The following USP13 variants were observed in gnomAD, a reference collection of about 807,000 sequenced individuals.
The protein encoded by USP13 is ubiquitin carboxyl-terminal hydrolase 13.
Under a neutral mutation model 107.8 loss-of-function variants are expected in USP13, and 68 were observed. The observed-to-expected ratio is 0.63, with a 90% CI of 0.52 to 0.77. USP13 has a LOEUF of 0.77. USP13 is among the 30% of genes least tolerant of loss of function. The pLI is 0.00. For synonymous variants in USP13, 377 were observed against 389.5 expected (o/e 0.97, Z 0.38); for missense variants, 945 against 1,093.3 (o/e 0.86, Z 1.91).
chr3:179,703,010 T>G (rs999492203), intron 4 of USP13, among the ~76,000 whole-genome samples: 8 of 152,208 alleles, frequency 5.3e-5, no homozygotes, highest in African/African-American at 1.9e-4. Flanking sequence ...AGCCTTTTCT[T>G]ATTGTTGTAC....
At chr3:179,753,836 C>G (rs1441539502) in intron 14 of USP13, among the ~76,000 whole-genome samples, 1 of 152,118 alleles carries the variant, frequency 6.6e-6, no homozygotes, top group Non-Finnish European at 1.5e-5. Context: ...TTATTATCAT[C>G]TGAATATGTG....
At chr3:179,749,378 A>T (rs926062061) in intron 13 of USP13, among the ~76,000 whole-genome samples, 13 of 152,218 alleles carry the variant, frequency 8.5e-5, no homozygotes, top group Admixed American at 8.5e-4. Flanking sequence ...TCTTTGAATG[A>T]TTTACATTCT....
chr3:179,667,937 C>T (rs1331274811), intron 1 of USP13, among the ~76,000 whole-genome samples: 2 of 152,132 alleles, frequency 1.3e-5, no homozygotes, highest in African/African-American at 4.8e-5. Flanking sequence ...TGTGAGCCAC[C>T]GTGCCCGGCT....
At chr3:179,666,472 C>T (rs1270473716) in intron 1 of USP13, among the ~76,000 whole-genome samples, 1 of 152,124 alleles carries the variant, frequency 6.6e-6, no homozygotes, top group Non-Finnish European at 1.5e-5. Context: ...GCTGTGAGAG[C>T]CTCTAAGTCT....
chr3:179,780,420 AT>A (rs1442647752), intron 19 of USP13, among the ~76,000 whole-genome samples: 1 of 152,212 alleles, frequency 6.6e-6, no homozygotes, highest in Non-Finnish European at 1.5e-5. Context: ...ATTAAATTAT[AT>A]TTCTATACAC....
chr3:179,681,563 G>A (rs1711653416), intron 1 of USP13, among the ~76,000 whole-genome samples: 1 of 152,068 alleles, frequency 6.6e-6, no homozygotes, highest in African/African-American at 2.4e-5. Context: ...GGAGCTGGCG[G>A]TGCAGCTTGC....
intron 16 of USP13, among the ~76,000 whole-genome samples, chr3:179,760,477 G>A (rs993373236): frequency 6.6e-6 from 1 of 151,848 alleles, no homozygotes; most frequent in African/African-American, 2.4e-5. Flanking sequence ...TAGAGACGGG[G>A]TTTCACCGTG....
At position 179,670,502 on chromosome 3, in the gene USP13, G is replaced by A. The variant is rs774276257; in HGVS notation, c.169-11376G>A. On this transcript the variant is annotated intron_variant, in intron 1 of 20. Coordinates refer to ENST00000263966, the MANE Select transcript of USP13 (RefSeq NM_003940.3). ...TAAACATGAGTGGGAGCCAACTAGAGTACAGTGTTCCCGATTAGTTTCATT... is the reference window on the plus strand; with the variant it reads ...TAAACATGAGTGGGAGCCAACTAGAATACAGTGTTCCCGATTAGTTTCATT... Among the ~76,000 whole-genome samples, 15 of 152,114 alleles carry A rather than the reference G, an allele frequency of 9.9e-5. No homozygotes were observed. In the Middle Eastern group the frequency reaches 0.014, roughly 138 times the overall value.
In USP13 at chr3:179,653,166, C is replaced by G. The variant is rs1720134525; in HGVS notation, c.-60C>G. On this transcript the variant is annotated 5_prime_UTR_variant, in exon 1 of 21. Coordinates refer to ENST00000263966, the MANE Select transcript of USP13 (RefSeq NM_003940.3). The surrounding 1 kb of genome is among the most constrained non-coding windows in gnomAD (Gnocchi z 4.0). ...GCCCGCTCGCTGGCGCCGCCGCCGC[C>G]GGCAGACCCCGCGCTCCGGCTCCGG... The G allele has an allele frequency of 8.9e-7, 1 of 1,122,868 alleles. No homozygotes were observed. Among genetic ancestry groups the G allele is most frequent in the Middle Eastern group, 3.8e-4 (1 of 2,632 alleles). The allele number at this position is 1,122,868 out of a possible 1,614,324, so 69.6% of individuals were successfully genotyped here. A position where few individuals can be genotyped will look rare whatever the true frequency, so the allele number is the denominator to read the frequency against.
chr3:179,660,299 C>T (rs977330515), intron 1 of USP13, among the ~76,000 whole-genome samples: 1 of 152,170 alleles, frequency 6.6e-6, no homozygotes, highest in South Asian at 2.1e-4. Context: ...CTTCTCCTAG[C>T]CCCTTGTAAT....
intron 1 of USP13, among the ~76,000 whole-genome samples, chr3:179,675,707 C>T (rs1237290299): frequency 6.6e-6 from 1 of 151,994 alleles, no homozygotes; most frequent in South Asian, 2.1e-4. Flanking sequence ...TCCGCCACGC[C>T]TGGCTAATTT....
In USP13 at chr3:179,745,055, C is replaced by T. The variant is rs1174700205; in HGVS notation, c.1547C>T (p.Ala516Val). 1.2e-6 allele frequency: 2 copies of T among 1,614,020 alleles called. No homozygotes were observed. The highest frequency in any genetic ancestry group is 2.7e-5 in the African/African-American group (2 of 74,892). The change falls in exon 13 of 21, where the codon GCT (alanine) becomes GTT (valine). Residue 516 changes from alanine to valine, a missense_variant. Physicochemically the swap from Ala to Val is moderately conservative, Grantham distance 64. Transcript: ENST00000263966. Reference sequence around the variant, plus strand: ...CTCTTTCACCCAGATGAACTGATCGCTTATGAACTAACGAGAAGGGAAGCA... The same window carrying T: ...CTCTTTCACCCAGATGAACTGATCGTTTATGAACTAACGAGAAGGGAAGCA... ...EAATNKDELI[A>V]YELTRREAEA... is the part of the protein sequence containing the mutation.
intron 19 of USP13, among the ~76,000 whole-genome samples, chr3:179,769,250 C>T (rs142247185): frequency 6.6e-6 from 1 of 152,212 alleles, no homozygotes; most frequent in African/African-American, 2.4e-5. Context: ...TATTGTTGAA[C>T]ATATATTAAC....
chr3:179,668,058 G>A (rs1047776566), intron 1 of USP13, among the ~76,000 whole-genome samples: 2 of 152,212 alleles, frequency 1.3e-5, no homozygotes, highest in African/African-American at 4.8e-5. Flanking sequence ...AGCTGTGCAG[G>A]ACCAGGCTGT....
At chr3:179,726,344 G>A (rs1313972629) in intron 8 of USP13, among the ~76,000 whole-genome samples, 3 of 152,360 alleles carry the variant, frequency 2.0e-5, no homozygotes, top group South Asian at 2.1e-4. Context: ...GAAGTGGGCA[G>A]AGTGGGCACA....
chr3:179,717,180 C>T (rs147183948), intron 6 of USP13, among the ~76,000 whole-genome samples: 7 of 152,284 alleles, frequency 4.6e-5, no homozygotes, highest in Non-Finnish European at 1.0e-4. Flanking sequence ...CCTGACTTTG[C>T]TAAGCTGAGG....
In USP13 at chr3:179,788,477, C is replaced by T. The variant is rs761050204; in HGVS notation, c.*4336C>T. The stretch of plus-strand genomic sequence containing the variant: ...TACTCAAAGTTTGGCTTGTTCAAAT[C>T]GAGACTGTGTTGTACACATACAATA... On this transcript the variant is annotated 3_prime_UTR_variant, in exon 21 of 21. Coordinates refer to ENST00000263966, the MANE Select transcript of USP13 (RefSeq NM_003940.3). The T allele has an allele frequency of 1.3e-5, 2 of 152,110 alleles. No homozygotes were observed. Among genetic ancestry groups the T allele is most frequent in the Non-Finnish European group, 1.5e-5 (1 of 68,038 alleles). 9.4% of individuals were successfully genotyped at this position (152,110 alleles called of 1,614,324 possible). A position where few individuals can be genotyped will look rare whatever the true frequency, so the allele number is the denominator to read the frequency against.
chr3:179,725,071 G>T (rs1321412199), intron 8 of USP13, among the ~76,000 whole-genome samples: 1 of 152,132 alleles, frequency 6.6e-6, no homozygotes, highest in Non-Finnish European at 1.5e-5. Flanking sequence ...AATTAGCCAG[G>T]CGTGGTGGTG....
At chr3:179,782,853 C>T (rs1037898630) in intron 20 of USP13, among the ~76,000 whole-genome samples, 14 of 152,182 alleles carry the variant, frequency 9.2e-5, no homozygotes, top group African/African-American at 3.4e-4. Flanking sequence ...TCAAGCAATT[C>T]TCCTGCCTCA....
Sources: gnomAD v4.1 joint callset for allele counts (sites outside exome capture counted in the v4.1 genomes callset) on GRCh38, gnomAD v4.1.1 for gene constraint, Gnocchi (gnomAD v3.1) non-coding constraint, MANE v1.5 for transcripts, NCBI Gene and HGNC (gene_info 2026-07-23, HGNC 2026-07-21) for gene names.